GALNTL6: variants seen among roughly 807,000 people sequenced by gnomAD.
The protein encoded by GALNTL6 is polypeptide N-acetylgalactosaminyltransferase like 6, also known as polypeptide N-acetylgalactosaminyltransferase-like 6.
In GALNTL6, 46 loss-of-function variants were observed where a neutral mutation model predicts 73.7. The observed-to-expected ratio is 0.62, with a 90% CI of 0.49 to 0.80. GALNTL6 has a LOEUF of 0.80. Among genes scored for constraint, GALNTL6 ranks in the 30% least tolerant of loss-of-function variants. GALNTL6 has a pLI of 0.00. For synonymous variants in GALNTL6, 259 were observed against 263.7 expected (o/e 0.98, Z 0.17); for missense variants, 604 against 755.0 (o/e 0.80, Z 2.34).
chr4:172,498,021 TTGCTC>T (rs1387884170), intron 5 of GALNTL6, among the ~76,000 whole-genome samples: 45 of 136,510 alleles, frequency 3.3e-4, no homozygotes, highest in Non-Finnish European at 3.2e-4. Flanking sequence ...AGATGGAGTC[TTGCTC>T]TGTCGCCAGG....
At chr4:172,182,936 G>T (rs1270653280) in intron 2 of GALNTL6, among the ~76,000 whole-genome samples, 1 of 151,956 alleles carries the variant, frequency 6.6e-6, no homozygotes, top group Non-Finnish European at 1.5e-5. Flanking sequence ...TTCAAAGAAC[G>T]CATTCGCTCA....
chr4:172,437,600 A>T (rs2111394709), intron 5 of GALNTL6, among the ~76,000 whole-genome samples: 1 of 152,188 alleles, frequency 6.6e-6, no homozygotes, highest in Non-Finnish European at 1.5e-5. Context: ...TCTCTTCCAG[A>T]TTTTGTGCTG....
chr4:172,580,039 G>A (rs1251813349), intron 5 of GALNTL6, among the ~76,000 whole-genome samples: 1 of 152,022 alleles, frequency 6.6e-6, no homozygotes, highest in Non-Finnish European at 1.5e-5. Flanking sequence ...AAGATGATAG[G>A]ACACCCAAAA....
chr4:172,113,607 A>G (rs1363497817), intron 2 of GALNTL6, among the ~76,000 whole-genome samples: 1 of 152,084 alleles, frequency 6.6e-6, no homozygotes, highest in Non-Finnish European at 1.5e-5. Context: ...TAAACATTTC[A>G]GTAGAAATCA....
At chr4:172,038,227 G>GT (rs145930333) in intron 2 of GALNTL6, among the ~76,000 whole-genome samples, 2 of 151,826 alleles carry the variant, frequency 1.3e-5, no homozygotes, top group East Asian at 3.9e-4. Flanking sequence ...TCTTTCTCTT[G>GT]TTTTTTCCTG....
intron 4 of GALNTL6, among the ~76,000 whole-genome samples, chr4:172,342,325 A>G (rs574683552): frequency 6.6e-6 from 1 of 152,140 alleles, no homozygotes; most frequent in African/African-American, 2.4e-5. Flanking sequence ...TTTCCAAAAG[A>G]TTATGTAATC....
intron 3 of GALNTL6, among the ~76,000 whole-genome samples, chr4:172,277,510 A>G (rs1738879688): frequency 6.6e-6 from 1 of 152,206 alleles, no homozygotes; most frequent in Non-Finnish European, 1.5e-5. Flanking sequence ...AATAATCTAG[A>G]GTCAATAGGT....
At chr4:172,831,147 G>A (rs1742607836) in intron 7 of GALNTL6, among the ~76,000 whole-genome samples, 1 of 97,486 alleles carries the variant, frequency 1.0e-5, no homozygotes, top group African/African-American at 4.4e-5. Context: ...GACAGAATGA[G>A]ACTCCCTCTC....
At chr4:172,595,844 A>T (rs1003718798) in intron 5 of GALNTL6, among the ~76,000 whole-genome samples, 2 of 152,182 alleles carry the variant, frequency 1.3e-5, no homozygotes, top group African/African-American at 4.8e-5. Context: ...AGCCCTGACA[A>T]ATTGGAACAA....
At chr4:172,893,732 G>A (rs1746174335) in intron 8 of GALNTL6, among the ~76,000 whole-genome samples, 1 of 152,218 alleles carries the variant, frequency 6.6e-6, no homozygotes, top group Non-Finnish European at 1.5e-5. Context: ...AGCCTGGGGG[G>A]AAGGGTACCT....
chr4:171,908,446 G>A (rs1737367565), intron 2 of GALNTL6, among the ~76,000 whole-genome samples: 1 of 152,112 alleles, frequency 6.6e-6, no homozygotes, highest in Non-Finnish European at 1.5e-5. Flanking sequence ...ACCACAGTGA[G>A]ATACCATCTC....
At chr4:172,096,078 C>T (rs962732057) in intron 2 of GALNTL6, among the ~76,000 whole-genome samples, 3 of 74,104 alleles carry the variant, frequency 4.0e-5, no homozygotes, top group East Asian at 4.2e-4. Context: ...CTCTCTCTCT[C>T]TCTTTCTGTG....
At chr4:172,754,303 G>T (rs1320999898) in intron 5 of GALNTL6, among the ~76,000 whole-genome samples, 1 of 152,178 alleles carries the variant, frequency 6.6e-6, no homozygotes, top group Non-Finnish European at 1.5e-5. Context: ...AGGCATGGTG[G>T]CTCACACCTG....
At position 171,914,551 on chromosome 4, in the gene GALNTL6, C is replaced by T. The variant is rs141146082; in HGVS notation, c.138+99833C>T. Among the ~76,000 whole-genome samples the T allele has an allele frequency of 6.5e-3, 970 of 150,206 alleles. 5 individuals carry two copies. Among genetic ancestry groups the T allele is most frequent in the African/African-American group, 0.023 (921 of 40,832 alleles). ...GTTCAAGCTATCCTCCTGCCTCAGC[C>T]TGGGATTATAGACACGGGCTACCAT... On this transcript the variant is annotated intron_variant, in intron 2 of 12. Transcript: ENST00000506823.
At chr4:172,012,544 A>G (rs1193634237) in intron 2 of GALNTL6, among the ~76,000 whole-genome samples, 1 of 152,062 alleles carries the variant, frequency 6.6e-6, no homozygotes, top group Non-Finnish European at 1.5e-5. Flanking sequence ...AACTCTCAAT[A>G]TCATCAGTGA....
chr4:172,889,095 T>G (rs147419217), intron 8 of GALNTL6, among the ~76,000 whole-genome samples: 1,550 of 152,286 alleles, frequency 0.01, 24 homozygotes, highest in African/African-American at 0.035. Context: ...CTACTAAATT[T>G]TGTACATTGA....
intron 2 of GALNTL6, among the ~76,000 whole-genome samples, chr4:172,221,320 G>A (rs1736668725): frequency 6.6e-6 from 1 of 151,602 alleles, no homozygotes; most frequent in South Asian, 2.1e-4. Context: ...AATGCTGTGT[G>A]TTTTCCTTGA....
intron 2 of GALNTL6, among the ~76,000 whole-genome samples, chr4:171,837,769 T>G (rs1228607041): frequency 6.7e-6 from 1 of 149,524 alleles, no homozygotes; most frequent in Non-Finnish European, 1.5e-5. Flanking sequence ...TAAAATAATG[T>G]AAGGGGGAAA....
Position 171,948,061 on chromosome 4 carries a change from G to T in GALNTL6, c.138+133343G>T, listed in dbSNP as rs551996492. Among the ~76,000 whole-genome samples, 6 of 152,128 alleles carry T rather than the reference G, an allele frequency of 3.9e-5. No individual in the cohort carries two copies. The South Asian group carries it at 1.0e-3, about 26-fold the overall frequency. On this transcript the variant is annotated intron_variant, in intron 2 of 12. Transcript: ENST00000506823. Reference sequence around the variant, plus strand: ...CATTTATGTAATAGTGAGATGGGGGGAATACTGTAATATCTTTTATACACC... The same window carrying T: ...CATTTATGTAATAGTGAGATGGGGGTAATACTGTAATATCTTTTATACACC...
Sources: allele counts gnomAD v4.1 joint callset (sites outside exome capture counted in the v4.1 genomes callset), GRCh38; gene constraint gnomAD v4.1.1; transcripts MANE v1.5; gene names NCBI Gene and HGNC (gene_info 2026-07-23, HGNC 2026-07-21).